The following LDB2 variants were observed in gnomAD, a reference collection of about 807,000 sequenced individuals.
LDB2 encodes the protein LIM domain binding 2.
In LDB2, 12 loss-of-function variants were observed where a neutral mutation model predicts 44.3. That is an observed-to-expected ratio of 0.27 (90% CI 0.17 to 0.44). LDB2 has a LOEUF of 0.44. Among genes scored for constraint, LDB2 ranks in the 20% least tolerant of loss-of-function variants. The pLI, the probability that LDB2 is intolerant of heterozygous loss-of-function variation, is 1.00. For missense variants in LDB2, 344 were observed against 473.5 expected, an observed-to-expected ratio of 0.73 and a Z score of 2.54; for synonymous variants, 164 against 174.8, an observed-to-expected ratio of 0.94 and a Z score of 0.49.
At chr4:16,681,994 A>G (rs769218074) in intron 2 of LDB2, among the ~76,000 whole-genome samples, 71 of 152,224 alleles carry the variant, frequency 4.7e-4, no homozygotes, top group Admixed American at 7.9e-4. Context: ...GTGCCTATTT[A>G]TAAATGAAGA....
chr4:16,518,484 G>GT lies in LDB2; in HGVS notation c.616-6381dup, dbSNP rs200270859. On this transcript the variant is annotated intron_variant, in intron 5 of 7. Coordinates refer to ENST00000304523, the MANE Select transcript of LDB2 (RefSeq NM_001290.5). ...CGTTGCTCAGACCTTTGCTTGTGTT[G>GT]TTTTTTTTTTCGCTTTTAAAAGGCC... Among the ~76,000 whole-genome samples the GT allele has an allele frequency of 9.4e-4, 139 of 147,164 alleles. 1 individual carries two copies. Among genetic ancestry groups the GT allele is most frequent in the South Asian group, 8.0e-3 (37 of 4,622 alleles).
chr4:16,560,094 A>C, intron 5 of LDB2, among the ~76,000 whole-genome samples: 1 of 152,210 alleles, frequency 6.6e-6, no homozygotes, highest in Non-Finnish European at 1.5e-5. Flanking sequence ...TATAGCACTA[A>C]ATGCCCACAA....
At chr4:16,598,370 G>A (rs1276826329) in intron 2 of LDB2, among the ~76,000 whole-genome samples, 4 of 152,110 alleles carry the variant, frequency 2.6e-5, no homozygotes, top group Non-Finnish European at 2.9e-5. Flanking sequence ...AAGGAGAACT[G>A]AGTCTTCCAG....
intron 5 of LDB2, among the ~76,000 whole-genome samples, chr4:16,582,000 G>GGGAAGGAAGGGAAGGAA (rs1553912526): frequency 8.2e-4 from 85 of 103,880 alleles, no homozygotes; most frequent in African/African-American, 2.7e-3. Flanking sequence ...AGGGAAGGAA[G>GGGAAGGAAGGGAAGGAA]GGAAGGAAGG....
At chr4:16,530,000 G>T (rs572755587) in intron 5 of LDB2, among the ~76,000 whole-genome samples, 1 of 152,272 alleles carries the variant, frequency 6.6e-6, no homozygotes, top group African/African-American at 2.4e-5. Context: ...AAATAACCCA[G>T]GTGCCTTCCA....
intron 5 of LDB2, among the ~76,000 whole-genome samples, chr4:16,526,394 C>A (rs77461379): frequency 6.6e-6 from 1 of 152,212 alleles, no homozygotes; most frequent in Admixed American, 6.5e-5. Context: ...AGAATTACCC[C>A]CTTGGCTTCC....
chr4:16,687,463 G>C (rs1269605225), intron 2 of LDB2, among the ~76,000 whole-genome samples: 2 of 152,140 alleles, frequency 1.3e-5, no homozygotes, highest in African/African-American at 2.4e-5. Context: ...TGGACTTCCT[G>C]CCTCCAAAAT....
intron 1 of LDB2, among the ~76,000 whole-genome samples, chr4:16,791,698 A>C (rs1035551602): frequency 6.6e-6 from 1 of 152,122 alleles, no homozygotes; most frequent in Non-Finnish European, 1.5e-5. Context: ...AAAGATAGCT[A>C]ATCAGGTAAT....
intron 1 of LDB2, among the ~76,000 whole-genome samples, chr4:16,864,565 C>T (rs1453547774): frequency 6.6e-6 from 1 of 152,128 alleles, no homozygotes; most frequent in East Asian, 1.9e-4. Flanking sequence ...CCTTCTCAGG[C>T]CACTAGAAAT....
chr4:16,686,458 C>T (rs1031322561), intron 2 of LDB2, among the ~76,000 whole-genome samples: 12 of 152,212 alleles, frequency 7.9e-5, no homozygotes, highest in African/African-American at 2.7e-4. Context: ...GGAAAGACTA[C>T]GTGACCTCAC....
intron 2 of LDB2, among the ~76,000 whole-genome samples, chr4:16,683,711 G>A (rs972646204): frequency 2.0e-5 from 3 of 152,184 alleles, no homozygotes; most frequent in Non-Finnish European, 4.4e-5. Flanking sequence ...TAGCATATTC[G>A]TTAATGTTAG....
At chr4:16,621,533 TA>T (rs1320953002) in intron 2 of LDB2, among the ~76,000 whole-genome samples, 1 of 152,218 alleles carries the variant, frequency 6.6e-6, no homozygotes, top group Non-Finnish European at 1.5e-5. Flanking sequence ...ATCAATTCTA[TA>T]AACTTATTTA....
At chr4:16,691,120 C>T (rs1250886702) in intron 2 of LDB2, among the ~76,000 whole-genome samples, 1 of 152,090 alleles carries the variant, frequency 6.6e-6, no homozygotes, top group Admixed American at 6.5e-5. Context: ...TGATGAGATA[C>T]ATTAGATAGG....
At chr4:16,793,202 G>A (rs960251549) in intron 1 of LDB2, among the ~76,000 whole-genome samples, 5 of 152,280 alleles carry the variant, frequency 3.3e-5, no homozygotes, top group East Asian at 1.9e-4. Context: ...TGGTATACGC[G>A]TTGCCTTTAA....
At chr4:16,774,275 C>T in intron 1 of LDB2, among the ~76,000 whole-genome samples, 1 of 152,016 alleles carries the variant, frequency 6.6e-6, no homozygotes, top group Admixed American at 6.5e-5. Flanking sequence ...CCTGTCCTGC[C>T]TTGATCCTAA....
intron 2 of LDB2, among the ~76,000 whole-genome samples, chr4:16,617,363 A>T (rs1426486168): frequency 2.0e-5 from 3 of 152,240 alleles, no homozygotes; most frequent in Non-Finnish European, 2.9e-5. Context: ...ATGACAGCCC[A>T]GCCCAAGGAG....
intron 5 of LDB2, among the ~76,000 whole-genome samples, chr4:16,556,022 C>T (rs558979803): frequency 9.3e-4 from 141 of 152,230 alleles, no homozygotes; most frequent in African/African-American, 3.2e-3. Context: ...ATGTTCTTCC[C>T]CTGTTTCTCC....
chr4:16,735,486 C>T (rs1761708169), intron 2 of LDB2, among the ~76,000 whole-genome samples: 1 of 151,872 alleles, frequency 6.6e-6, no homozygotes, highest in South Asian at 2.1e-4. Context: ...AACTTCTGCC[C>T]TCCCATGCAG....
chr4:16,780,379 C>T (rs1357049853), intron 1 of LDB2, among the ~76,000 whole-genome samples: 1 of 152,146 alleles, frequency 6.6e-6, no homozygotes, highest in East Asian at 1.9e-4. Context: ...CCTGCCACCA[C>T]ACCCAGCTAA....
Sources: gnomAD v4.1 joint callset for allele counts (sites outside exome capture counted in the v4.1 genomes callset) on GRCh38, gnomAD v4.1.1 for gene constraint, MANE v1.5 for transcripts, NCBI Gene and HGNC (gene_info 2026-07-23, HGNC 2026-07-21) for gene names.